Variants in MTHFD1L observed in about 807,000 individuals in gnomAD.
MTHFD1L encodes methylenetetrahydrofolate dehydrogenase (NADP+ dependent) 1 like, also known as monofunctional C1-tetrahydrofolate synthase, mitochondrial.
In MTHFD1L, 81 loss-of-function variants were observed where a neutral mutation model predicts 119.5. The observed-to-expected ratio is 0.68, with a 90% CI of 0.57 to 0.82. The LOEUF (loss-of-function observed/expected upper bound fraction) is 0.82. Among genes scored for constraint, MTHFD1L ranks in the 40% least tolerant of loss-of-function variants. The pLI is 0.00. For synonymous variants in MTHFD1L, 430 were observed against 475.2 expected (o/e 0.90, Z 1.24); for missense variants, 1,125 against 1,253.4 (o/e 0.90, Z 1.55).
chr6:150,919,764 A>G (rs1381895657), intron 9 of MTHFD1L, among the ~76,000 whole-genome samples: 1 of 152,168 alleles, frequency 6.6e-6, no homozygotes, highest in East Asian at 1.9e-4. Context: ...ATCATGAGAA[A>G]CTAGCCCCTG....
chr6:150,916,449 C>T (rs1488081579), intron 8 of MTHFD1L, among the ~76,000 whole-genome samples: 2 of 139,700 alleles, frequency 1.4e-5, no homozygotes, highest in East Asian at 2.1e-4. Context: ...CACAGGTGTG[C>T]ACCACCACGC....
intron 26 of MTHFD1L, 52 bp downstream of exon 26, chr6:151,037,169 G>A (rs768529187): frequency 5.0e-6 from 8 of 1,591,328 alleles, no homozygotes; most frequent in South Asian, 1.1e-5. Context: ...TTGCTGTGGT[G>A]CCTCAAATCG....
chr6:150,915,946 A>T (rs1264714499), intron 8 of MTHFD1L, among the ~76,000 whole-genome samples: 1 of 152,180 alleles, frequency 6.6e-6, no homozygotes, highest in Admixed American at 6.5e-5. Flanking sequence ...GAGGATTGAG[A>T]GAGGCCCGTT....
In MTHFD1L at chr6:151,076,650, A is replaced by G. The variant is rs111690868; in HGVS notation, c.2848-15817A>G. ...TGGGTGACAGAGTGATACTCTGTCT[A>G]AAAAAAAAAAAAAAAAAGACTGACC... On this transcript the variant is annotated intron_variant, in intron 26 of 27. Transcript: ENST00000367321. 1.7e-3 allele frequency among the ~76,000 whole-genome samples: 129 copies of G among 74,270 alleles called. 4 individuals are homozygous for G. The East Asian group carries it at 0.035, about 20-fold the overall frequency. 48.7% of individuals were successfully genotyped at this position (74,270 alleles called of 152,430 possible). A position where few individuals can be genotyped will look rare whatever the true frequency, so the allele number is the denominator to read the frequency against.
At chr6:151,100,209 T>A (rs1398637791) in intron 27 of MTHFD1L, among the ~76,000 whole-genome samples, 1 of 152,054 alleles carries the variant, frequency 6.6e-6, no homozygotes, top group African/African-American at 2.4e-5. Flanking sequence ...AATTTTTTTG[T>A]ATTTTTTTAA....
In MTHFD1L at chr6:150,926,480, G is replaced by T. The variant is rs369562846; in HGVS notation, c.1256+185G>T. ...ATTTTCAGTGCAGAGCAAACTAGTC[G>T]ACTCTACACAAGATAAAGTCAAACA... On this transcript the variant is annotated intron_variant, in intron 11 of 27. Transcript: ENST00000367321. The surrounding 1 kb of genome is among the most constrained non-coding windows in gnomAD (Gnocchi z 4.3). 2.0e-5 allele frequency among the ~76,000 whole-genome samples: 3 copies of T among 152,012 alleles called. No homozygotes were observed. The highest frequency in any genetic ancestry group is 7.2e-5 in the African/African-American group (3 of 41,386).
intron 26 of MTHFD1L, among the ~76,000 whole-genome samples, chr6:151,054,543 T>C (rs754675076): frequency 3.9e-5 from 6 of 152,218 alleles, no homozygotes; most frequent in Non-Finnish European, 8.8e-5. Flanking sequence ...GTTATCAACA[T>C]GCAGTCAGTG....
intron 15 of MTHFD1L, among the ~76,000 whole-genome samples, chr6:150,948,271 C>T (rs937845721): frequency 7.9e-5 from 12 of 151,078 alleles, no homozygotes; most frequent in South Asian, 2.1e-4. Flanking sequence ...CCTCCCAAAG[C>T]GCTGGGATTA....
intron 7 of MTHFD1L, among the ~76,000 whole-genome samples, chr6:150,894,250 A>G (rs147975235): frequency 6.6e-6 from 1 of 152,210 alleles, no homozygotes; most frequent in East Asian, 1.9e-4. Flanking sequence ...TGGGTCAATT[A>G]GGCAAATCAC....
intron 20 of MTHFD1L, among the ~76,000 whole-genome samples, chr6:151,004,193 C>A (rs774020723): frequency 2.6e-5 from 4 of 151,818 alleles, no homozygotes; most frequent in Non-Finnish European, 5.9e-5. Flanking sequence ...ATACAAAAAT[C>A]ACGCTCCTGT....
At chr6:150,987,984 A>G (rs1047271097) in intron 20 of MTHFD1L, among the ~76,000 whole-genome samples, 6 of 152,316 alleles carry the variant, frequency 3.9e-5, no homozygotes, top group Middle Eastern at 3.4e-3. Flanking sequence ...CTGTTTCTCT[A>G]TGTGCTGTAA....
chr6:150,943,918 T>C (rs1197926469), intron 13 of MTHFD1L, among the ~76,000 whole-genome samples: 1 of 152,216 alleles, frequency 6.6e-6, no homozygotes, highest in Non-Finnish European at 1.5e-5. Context: ...CTCCAAAGTA[T>C]ATTTGATATG....
chr6:150,981,945 G>A (rs779843809), intron 20 of MTHFD1L, among the ~76,000 whole-genome samples: 3 of 152,090 alleles, frequency 2.0e-5, no homozygotes, highest in Non-Finnish European at 2.9e-5. Flanking sequence ...TAATTAGCCA[G>A]GTTTGGTGGC....
At chr6:150,982,012 A>G (rs1777571609) in intron 20 of MTHFD1L, among the ~76,000 whole-genome samples, 1 of 152,140 alleles carries the variant, frequency 6.6e-6, no homozygotes, top group South Asian at 2.1e-4. Flanking sequence ...ACTTGAGTCC[A>G]AAAGTTTAAG....
chr6:150,909,904 C>T (rs1469132532), intron 8 of MTHFD1L, among the ~76,000 whole-genome samples: 3 of 152,080 alleles, frequency 2.0e-5, no homozygotes, highest in African/African-American at 4.8e-5. Context: ...GGAGGCTGGG[C>T]GTGGTGTGGC....
intron 20 of MTHFD1L, among the ~76,000 whole-genome samples, chr6:151,008,248 A>G (rs942879463): frequency 6.6e-6 from 1 of 152,264 alleles, no homozygotes; most frequent in Non-Finnish European, 1.5e-5. Flanking sequence ...GAAAGTTTGT[A>G]GCACAGCAAG....
intron 20 of MTHFD1L, among the ~76,000 whole-genome samples, chr6:150,976,485 C>T (rs1458572678): frequency 6.6e-6 from 1 of 152,202 alleles, no homozygotes; most frequent in Non-Finnish European, 1.5e-5. Context: ...TTTCAACATC[C>T]TTCTACAGAA....
At chr6:151,018,440 C>T (rs1783464102) in intron 24 of MTHFD1L, among the ~76,000 whole-genome samples, 1 of 152,118 alleles carries the variant, frequency 6.6e-6, no homozygotes, top group South Asian at 2.1e-4. Flanking sequence ...GGTATATGGG[C>T]GCTTTGCACA....
At chr6:151,046,514 T>G (rs1198855112) in intron 26 of MTHFD1L, among the ~76,000 whole-genome samples, 18 of 136,604 alleles carry the variant, frequency 1.3e-4, no homozygotes, top group African/African-American at 3.7e-4. Flanking sequence ...TATATATATA[T>G]AGACTCATTT....
Sources: gnomAD v4.1 joint callset for allele counts (sites outside exome capture counted in the v4.1 genomes callset) on GRCh38, gnomAD v4.1.1 for gene constraint, Gnocchi (gnomAD v3.1) non-coding constraint, MANE v1.5 for transcripts, NCBI Gene and HGNC (gene_info 2026-07-23, HGNC 2026-07-21) for gene names.